Variants in CGNL1 observed in about 807,000 individuals in gnomAD.
The protein encoded by CGNL1 is cingulin-like protein 1.
A neutral mutation model predicts 141.2 loss-of-function variants in CGNL1; 132 were observed. That is an observed-to-expected ratio of 0.93 (90% CI 0.81 to 1.08). The LOEUF (loss-of-function observed/expected upper bound fraction) is 1.08, where lower values mean the gene tolerates loss of function less well. Ranked by LOEUF, CGNL1 falls within the 50% of genes least tolerant of loss-of-function variation. CGNL1 has a pLI of 0.00. For missense variants in CGNL1, 1,870 were observed against 1,588.6 expected (o/e 1.18, Z -3.01); for synonymous variants, 690 against 622.1 (o/e 1.11, Z -1.63).
chr15:57,528,631 A>G (rs1278081101), intron 12 of CGNL1, 23 bp from the exon 13 acceptor site: 1 of 1,612,860 alleles, frequency 6.2e-7, no homozygotes, highest in African/African-American at 1.3e-5. Context: ...CCAGAAAACC[A>G]TCCCAGCTGT....
At chr15:57,465,852 C>T (rs184540709) in intron 8 of CGNL1, among the ~76,000 whole-genome samples, 36 of 152,264 alleles carry the variant, frequency 2.4e-4, no homozygotes, top group African/African-American at 8.2e-4. Context: ...AAAGGTTTTA[C>T]GTTACTAGAA....
chr15:57,457,607 A>T (rs896848958), intron 7 of CGNL1, among the ~76,000 whole-genome samples: 4 of 152,200 alleles, frequency 2.6e-5, no homozygotes, highest in African/African-American at 9.6e-5. Context: ...GTGGCCAGGG[A>T]GGCCTCATAA....
At position 57,476,190 on chromosome 15, in the gene CGNL1, G is replaced by A. The variant is rs115080991; in HGVS notation, c.2403+14298G>A. Among the ~76,000 whole-genome samples, 737 of 152,190 alleles carry A rather than the reference G, an allele frequency of 4.8e-3. 6 individuals carry two copies. Among genetic ancestry groups the A allele is most frequent in the African/African-American group, 0.017 (694 of 41,516 alleles). ...CACGGAAAGCAGAAGTTCGGAAAAG[G>A]GTGACTTTGCTCCGTGTAGGCAGGC... On this transcript the variant is annotated intron_variant, in intron 8 of 18. Coordinates refer to ENST00000281282, the MANE Select transcript of CGNL1 (RefSeq NM_032866.5).
chr15:57,518,182 G>A lies in CGNL1; in HGVS notation c.2611-211G>A, dbSNP rs1056972165. On this transcript the variant is annotated intron_variant, in intron 9 of 18. Transcript: ENST00000281282. ...AAAAATCACCCGAGATAATGTGGAT[G>A]TTCACACCTGCCTGAGAACTGGAAC... Among the ~76,000 whole-genome samples, 6 of 152,234 alleles carry A rather than the reference G, an allele frequency of 3.9e-5. No individual in the cohort carries two copies. The South Asian group carries it at 8.3e-4, about 21-fold the overall frequency.
chr15:57,464,770 G>A (rs1332063004), intron 8 of CGNL1, among the ~76,000 whole-genome samples: 2 of 113,754 alleles, frequency 1.8e-5, no homozygotes, highest in East Asian at 2.6e-4. Flanking sequence ...TTTTTTTTGA[G>A]ATGGAGTCTT....
At chr15:57,475,490 GTGGT>G (rs1567141410) in intron 8 of CGNL1, among the ~76,000 whole-genome samples, 1 of 118,680 alleles carries the variant, frequency 8.4e-6, no homozygotes, top group African/African-American at 3.2e-5. Context: ...ATATACAAGT[GTGGT>G]GTGTGTGTGT....
chr15:57,530,740 G>A (rs757724220), intron 13 of CGNL1, among the ~76,000 whole-genome samples: 1 of 152,138 alleles, frequency 6.6e-6, no homozygotes. Flanking sequence ...CTACCTGGGG[G>A]CCGTTCACAG....
rs577740109 is a variant in CGNL1 at position 57,377,267 on chromosome 15, G to T, written c.-16+700G>T. ...CTAAGGCCGCTGCCCTCCCGACTCT[G>T]CTTATGCCGCTCAAAACGTTGCTCA... On this transcript the variant is annotated intron_variant, in intron 1 of 18. Coordinates refer to ENST00000281282, the MANE Select transcript of CGNL1 (RefSeq NM_032866.5). 7.2e-5 allele frequency: 11 copies of T among 152,308 alleles called. No individual in the cohort carries two copies. The South Asian group carries it at 2.3e-3, about 32-fold the overall frequency. 9.4% of individuals were successfully genotyped at this position (152,308 alleles called of 1,614,324 possible).
At position 57,438,323 on chromosome 15, in the gene CGNL1, C is replaced by T. The variant is rs150676873; in HGVS notation, c.324C>T (p.Tyr108=). 5.5e-4 allele frequency: 881 copies of T among 1,614,020 alleles called. 2 individuals are homozygous for T. Among genetic ancestry groups the T allele is most frequent in the Non-Finnish European group, 6.8e-4 (801 of 1,180,036 alleles). ...AACTTCAGCTTCCAGAAAACCCATACGCCCAGCCTAGCCCAATAAGAAACC... is the reference window on the plus strand; with the variant it reads ...AACTTCAGCTTCCAGAAAACCCATATGCCCAGCCTAGCCCAATAAGAAACC... ...SEELQLPENP[Y]AQPSPIRNLK... The change falls in exon 2 of 19, where the codon TAC becomes TAT. Residue 108 remains tyrosine, a synonymous_variant. Transcript: ENST00000281282.
intron 14 of CGNL1, among the ~76,000 whole-genome samples, chr15:57,532,589 A>G (rs762674870): frequency 6.6e-5 from 10 of 152,244 alleles, no homozygotes; most frequent in Non-Finnish European, 1.3e-4. Flanking sequence ...CAGTGTTGTC[A>G]TAAGGATCAA....
At chr15:57,478,752 G>A (rs983415780) in intron 8 of CGNL1, among the ~76,000 whole-genome samples, 1 of 152,098 alleles carries the variant, frequency 6.6e-6, no homozygotes, top group East Asian at 1.9e-4. Context: ...CATCCTTCCA[G>A]CTCAGCCTAC....
intron 1 of CGNL1, among the ~76,000 whole-genome samples, chr15:57,396,462 A>G (rs11854842): frequency 0.58 from 87,803 of 151,752 alleles, 25,658 homozygotes; most frequent in African/African-American, 0.61. Context: ...TAAAAGAGAC[A>G]GGGTTTCGCC....
chr15:57,399,655 C>G (rs1439031958), intron 1 of CGNL1, among the ~76,000 whole-genome samples: 2 of 151,412 alleles, frequency 1.3e-5, no homozygotes, highest in Non-Finnish European at 2.9e-5. Context: ...ATCTTCATGA[C>G]AATGAGTAAA....
In CGNL1 at chr15:57,535,884, C is replaced by T. The variant is rs897635220; in HGVS notation, c.3291+4105C>T. ...GCTGTGTAAGATGGTGTATTTGACC[C>T]TTTCCATGCCTCCATTCTTTCTTTC... On this transcript the variant is annotated intron_variant, in intron 14 of 18. Transcript: ENST00000281282. Among the ~76,000 whole-genome samples the T allele has an allele frequency of 2.0e-5, 3 of 152,292 alleles. No homozygotes were observed. The East Asian group carries it at 5.8e-4, about 29-fold the overall frequency.
chr15:57,457,042 G>A (rs1391971688), intron 7 of CGNL1, among the ~76,000 whole-genome samples: 7 of 152,104 alleles, frequency 4.6e-5, no homozygotes, highest in South Asian at 2.1e-4. Flanking sequence ...CTCACCAGCC[G>A]TGTGATGCTT....
At chr15:57,388,973 A>G (rs141273456) in intron 1 of CGNL1, among the ~76,000 whole-genome samples, 3 of 152,226 alleles carry the variant, frequency 2.0e-5, no homozygotes, top group African/African-American at 4.8e-5. Flanking sequence ...TTGCAGATGA[A>G]ATAAAATTCT....
In CGNL1 at chr15:57,524,562, C is replaced by A. The variant is rs1448371334; in HGVS notation, c.2869-19C>A. ...CAGAGCATCCCAGGGTGGGCTCACA[C>A]CCGTGTCACTTCTTCTAGATGGCAG... is the stretch of plus-strand genomic sequence containing the variant. On this transcript the variant is annotated intron_variant, in intron 11 of 18. Coordinates refer to ENST00000281282, the MANE Select transcript of CGNL1 (RefSeq NM_032866.5). The A allele has an allele frequency of 1.0e-5, 16 of 1,606,858 alleles. No individual in the cohort carries two copies. Among genetic ancestry groups the A allele is most frequent in the Non-Finnish European group, 1.4e-5 (16 of 1,176,886 alleles).
intron 12 of CGNL1, chr15:57,527,690 C>G (rs2031698472): frequency 6.6e-6 from 1 of 152,198 alleles, no homozygotes; most frequent in Non-Finnish European, 1.5e-5. Flanking sequence ...TGAGTGCCAC[C>G]TTGTGGATGG....
chr15:57,479,332 C>T (rs562861841), intron 8 of CGNL1, among the ~76,000 whole-genome samples: 1 of 152,252 alleles, frequency 6.6e-6, no homozygotes, highest in African/African-American at 2.4e-5. Flanking sequence ...GGCCTGGGGA[C>T]TGACTAGTGC....
Sources: gnomAD v4.1 joint callset for allele counts (sites outside exome capture counted in the v4.1 genomes callset) on GRCh38, gnomAD v4.1.1 for gene constraint, MANE v1.5 for transcripts, NCBI Gene and HGNC (gene_info 2026-07-23, HGNC 2026-07-21) for gene names.